The following AGAP3 variants were observed in gnomAD, a reference collection of about 807,000 sequenced individuals.
The protein encoded by AGAP3 is arf-GAP with GTPase, ANK repeat and PH domain-containing protein 3.
Under a neutral mutation model 96.9 loss-of-function variants are expected in AGAP3, and 24 were observed. The observed-to-expected ratio is 0.25, with a 90% CI of 0.18 to 0.35. The LOEUF is 0.35. Ranked by LOEUF, AGAP3 falls within the 10% of genes least tolerant of loss-of-function variation. The probability of loss-of-function intolerance (pLI) is 1.00; values close to 1 mark genes in which losing one functional copy is unlikely to be tolerated. For missense variants in AGAP3, 876 were observed against 1,254.2 expected, an observed-to-expected ratio of 0.70 and a Z score of 4.55; for synonymous variants, 563 against 536.1, an observed-to-expected ratio of 1.05 and a Z score of -0.69.
chr7:151,105,867 GTC>G (rs1799034904), intron 1 of AGAP3, among the ~76,000 whole-genome samples: 2 of 57,616 alleles, frequency 3.5e-5, no homozygotes, highest in African/African-American at 1.2e-4. Flanking sequence ...CTAGGTAAGA[GTC>G]TTTTTTTTTT....
chr7:151,123,299 G>T, intron 8 of AGAP3: 1 of 1,047,414 alleles, frequency 9.5e-7, no homozygotes, highest in South Asian at 3.3e-5. Flanking sequence ...ACAGGGTGCA[G>T]GGCCTCTTCT....
intron 8 of AGAP3, among the ~76,000 whole-genome samples, chr7:151,121,567 C>T (rs1405316244): frequency 1.3e-5 from 2 of 152,108 alleles, no homozygotes; most frequent in East Asian, 3.9e-4. Flanking sequence ...CTGCTACCCT[C>T]TCCTCCGCCC....
chr7:151,120,189 C>G, intron 8 of AGAP3, 44 bp downstream of exon 8: 1 of 1,548,766 alleles, frequency 6.5e-7, no homozygotes, highest in East Asian at 2.3e-5. Context: ...CTTTGCTGCA[C>G]AGGCAGGGCT....
chr7:151,093,580 G>T (rs564565653), intron 1 of AGAP3, among the ~76,000 whole-genome samples: 18 of 152,236 alleles, frequency 1.2e-4, no homozygotes, highest in Non-Finnish European at 1.8e-4. Flanking sequence ...TCTGTGGTGA[G>T]CAGTCGGATG....
At chr7:151,107,202 C>T (rs1169274754) in intron 1 of AGAP3, among the ~76,000 whole-genome samples, 11 of 150,842 alleles carry the variant, frequency 7.3e-5, no homozygotes, top group African/African-American at 2.0e-4. Context: ...CCCAGCTACT[C>T]GGGAGGCTGA....
intron 2 of AGAP3, 38 bp from the exon 3 acceptor site, chr7:151,117,057 T>C: frequency 1.9e-6 from 3 of 1,596,142 alleles, no homozygotes; most frequent in Non-Finnish European, 2.6e-6. Context: ...CCTCGTGCCC[T>C]CTGCCCTCTG....
chr7:151,133,417 C>T lies in AGAP3; in HGVS notation c.1327-983C>T, dbSNP rs916624100. Among the ~76,000 whole-genome samples, 3 of 152,138 alleles carry T rather than the reference C, an allele frequency of 2.0e-5. No homozygotes were observed. The highest frequency in any genetic ancestry group is 1.3e-4 in the Admixed American group (2 of 15,282). On this transcript the variant is annotated intron_variant, in intron 10 of 17. Coordinates refer to ENST00000397238, the MANE Select transcript of AGAP3 (RefSeq NM_031946.7). This position sits in a 1 kb window ranked among gnomAD's most constrained non-coding sequence, Gnocchi z 5.4. ...CCCAGCGGGGCTCCAGGCCAGGAAG[C>T]GGCAGGCTCCCACCCTCCCTCCCTG... is the stretch of plus-strand genomic sequence containing the variant.
chr7:151,123,695 C>T lies in AGAP3; in HGVS notation c.1129-99C>T, dbSNP rs1343838246. 8 of 1,582,598 alleles carry T rather than the reference C, an allele frequency of 5.1e-6. No individual in the cohort carries two copies. The Admixed American group carries it at 1.2e-4, about 23-fold the overall frequency. On this transcript the variant is annotated intron_variant, in intron 8 of 17. Transcript: ENST00000397238. ...CCGGCCCGACCCACTGCTAGGGCTG[C>T]CCAGGAGGAGGGAGGCAGGAGGGAG...
chr7:151,126,675 T>C lies in AGAP3; in HGVS notation c.1222-1905T>C, dbSNP rs150861698. Reference sequence around the variant, plus strand: ...CGCAGCGGGAGGGGGAACAGCTGACTGCTTCTGAGCTCTCAGTGCACCTGG... The same window carrying C: ...CGCAGCGGGAGGGGGAACAGCTGACCGCTTCTGAGCTCTCAGTGCACCTGG... On this transcript the variant is annotated intron_variant, in intron 9 of 17. Transcript: ENST00000397238. Among the ~76,000 whole-genome samples, 1,190 of 152,306 alleles carry C rather than the reference T, an allele frequency of 7.8e-3. 16 individuals are homozygous for C. The highest frequency in any genetic ancestry group is 0.027 in the African/African-American group (1,141 of 41,570).
chr7:151,088,696 C>T lies in AGAP3; in HGVS notation c.331+1624C>T, dbSNP rs182417775. 2.0e-3 allele frequency among the ~76,000 whole-genome samples: 312 copies of T among 152,336 alleles called. 2 individuals carry two copies. Among genetic ancestry groups the T allele is most frequent in the Non-Finnish European group, 2.8e-3 (188 of 68,040 alleles). On this transcript the variant is annotated intron_variant, in intron 1 of 17. Transcript: ENST00000397238. ...TTTTCCCAGAGCAGGGAGAGGTTTC[C>T]GGGCTCCCCTGGCTCCAGCTTGATG... is the stretch of plus-strand genomic sequence containing the variant.
intron 1 of AGAP3, among the ~76,000 whole-genome samples, chr7:151,090,719 G>A (rs1241901579): frequency 2.6e-5 from 4 of 152,164 alleles, no homozygotes; most frequent in Admixed American, 2.0e-4. Context: ...CAAGGCGGGC[G>A]GATCACGAGG....
At chr7:151,107,310 CAAAA>C (rs1349995253) in intron 1 of AGAP3, among the ~76,000 whole-genome samples, 3 of 70,058 alleles carry the variant, frequency 4.3e-5, no homozygotes, top group Admixed American at 1.7e-4. Flanking sequence ...GACTCCGGCT[CAAAA>C]AAAAAAAAAA....
chr7:151,112,772 A>T (rs1799351580), intron 1 of AGAP3, among the ~76,000 whole-genome samples: 1 of 151,508 alleles, frequency 6.6e-6, no homozygotes, highest in Admixed American at 6.6e-5. Flanking sequence ...CTAATTTTTC[A>T]TATTTTTTTT....
At chr7:151,107,046 A>G (rs1799084689) in intron 1 of AGAP3, among the ~76,000 whole-genome samples, 1 of 152,170 alleles carries the variant, frequency 6.6e-6, no homozygotes, top group African/African-American at 2.4e-5. Context: ...GTGGTGGCTC[A>G]CGCCTGTAAT....
At chr7:151,094,516 T>G (rs1329324026) in intron 1 of AGAP3, among the ~76,000 whole-genome samples, 1 of 152,184 alleles carries the variant, frequency 6.6e-6, no homozygotes. Context: ...CTCGTTGTTT[T>G]ACTTTGTTTG....
In AGAP3 at chr7:151,134,495, A is replaced by G; in HGVS notation, c.1422A>G (p.Thr474=). The G allele has an allele frequency of 6.2e-7, 1 of 1,613,320 alleles. No individual in the cohort carries two copies. Among genetic ancestry groups the G allele is most frequent in the South Asian group, 1.1e-5 (1 of 91,078 alleles). Residue 474 remains threonine (T), a synonymous_variant, in exon 11 of 18, where the codon ACA becomes ACG. Transcript: ENST00000397238. ...GCCTGCCCCGAGCCACACCTGCCAC[A>G]GCCCCGGGCACCAGCCCCCGTGCCA... ...GKRLPRATPA[T]APGTSPRANG... is the part of the protein sequence containing the mutation.
At chr7:151,089,356 C>G (rs1186105566) in intron 1 of AGAP3, among the ~76,000 whole-genome samples, 1 of 152,160 alleles carries the variant, frequency 6.6e-6, no homozygotes, top group Non-Finnish European at 1.5e-5. Context: ...ACCCAGCCCT[C>G]CACCCCCAGC....
chr7:151,138,085 C>A, intron 11 of AGAP3, 58 bp from the exon 12 acceptor site: 1 of 1,299,650 alleles, frequency 7.7e-7, no homozygotes, highest in Non-Finnish European at 1.1e-6. Context: ...AGGATAGTAT[C>A]TTTGAGAATC....
intron 1 of AGAP3, among the ~76,000 whole-genome samples, chr7:151,110,300 A>G (rs1327821690): frequency 6.6e-6 from 1 of 152,192 alleles, no homozygotes; most frequent in Non-Finnish European, 1.5e-5. Context: ...TTGTGGGGGC[A>G]CTTGCTGACA....
Sources: allele counts gnomAD v4.1 joint callset (sites outside exome capture counted in the v4.1 genomes callset), GRCh38; gene constraint gnomAD v4.1.1; non-coding constraint Gnocchi (gnomAD v3.1); transcripts MANE v1.5; gene names NCBI Gene and HGNC (gene_info 2026-07-23, HGNC 2026-07-21).